AGTPBP1: variants seen among roughly 807,000 people sequenced by gnomAD.
AGTPBP1 encodes the protein ATP/GTP binding carboxypeptidase 1.
Under a neutral mutation model 143.9 loss-of-function variants are expected in AGTPBP1, and 70 were observed. That is an observed-to-expected ratio of 0.49 (90% CI 0.40 to 0.59). The LOEUF (loss-of-function observed/expected upper bound fraction) is 0.59, where lower values mean the gene tolerates loss of function less well. AGTPBP1 is among the 20% of genes least tolerant of loss of function. The probability of loss-of-function intolerance (pLI) is 0.00; values close to 1 mark genes in which losing one functional copy is unlikely to be tolerated. For synonymous variants in AGTPBP1, 463 were observed against 500.2 expected (o/e 0.93, Z 0.99); for missense variants, 1,229 against 1,464.5 (o/e 0.84, Z 2.62).
chr9:85,571,859 AT>A (rs1428873818), intron 25 of AGTPBP1, among the ~76,000 whole-genome samples: 2 of 152,196 alleles, frequency 1.3e-5, no homozygotes, highest in East Asian at 3.9e-4. Flanking sequence ...TATGTAAAAA[AT>A]TCATTTGAGA....
chr9:85,696,452 G>C (rs1371400396), intron 2 of AGTPBP1, among the ~76,000 whole-genome samples: 5 of 152,062 alleles, frequency 3.3e-5, no homozygotes, highest in Non-Finnish European at 7.4e-5. Context: ...CAGATCGCTT[G>C]AGGTCGAGAG....
intron 25 of AGTPBP1, among the ~76,000 whole-genome samples, chr9:85,548,672 T>G (rs1466476789): frequency 7.1e-6 from 1 of 141,610 alleles, no homozygotes; most frequent in East Asian, 2.0e-4. Context: ...TTGGTTTTTT[T>G]TTGTTTTTGT....
intron 13 of AGTPBP1, among the ~76,000 whole-genome samples, chr9:85,634,794 C>G (rs60292661): frequency 0.049 from 7,424 of 152,222 alleles, 224 homozygotes; most frequent in Admixed American, 0.11. Flanking sequence ...TGAAATGGAA[C>G]TGCAGAATCA....
At chr9:85,712,451 TCATA>T (rs751939673) in intron 2 of AGTPBP1, 47 bp downstream of exon 2, 1 of 964,010 alleles carries the variant, frequency 1.0e-6, no homozygotes, top group Non-Finnish European at 1.5e-6. Flanking sequence ...AGTAATTCTG[TCATA>T]CATTATTTCT....
intron 25 of AGTPBP1, among the ~76,000 whole-genome samples, chr9:85,568,997 T>C (rs560083082): frequency 2.8e-4 from 43 of 152,094 alleles, no homozygotes; most frequent in African/African-American, 9.6e-4. Flanking sequence ...AACATACAGA[T>C]AGAATGTAAA....
At chr9:85,573,568 G>A (rs535188140) in intron 25 of AGTPBP1, among the ~76,000 whole-genome samples, 30 of 146,912 alleles carry the variant, frequency 2.0e-4, no homozygotes, top group South Asian at 8.9e-4. Flanking sequence ...GCCACCCATC[G>A]TCTGGGATGT....
At chr9:85,621,710 AT>A (rs919001062) in intron 14 of AGTPBP1, among the ~76,000 whole-genome samples, 5 of 152,184 alleles carry the variant, frequency 3.3e-5, no homozygotes, top group Non-Finnish European at 5.9e-5. Context: ...CCTGGCTGGA[AT>A]TTAGCTAAAA....
intron 2 of AGTPBP1, among the ~76,000 whole-genome samples, chr9:85,700,289 A>C (rs1321462379): frequency 6.6e-6 from 1 of 152,176 alleles, no homozygotes; most frequent in Admixed American, 6.5e-5. Flanking sequence ...ATTCCTGCTC[A>C]CATTACGTGT....
At chr9:85,589,479 C>A (rs774978087) in intron 20 of AGTPBP1, 49 bp downstream of exon 20, 3 of 1,549,708 alleles carry the variant, frequency 1.9e-6, no homozygotes, top group South Asian at 2.5e-5. Context: ...TAAAGCAAAT[C>A]AAAGTAGGTG....
chr9:85,802,708 G>A, the AGTPBP1 span, among the ~76,000 whole-genome samples: 1 of 152,116 alleles, frequency 6.6e-6, no homozygotes, highest in Non-Finnish European at 1.5e-5. Context: ...CACATAATTG[G>A]GTGTCCAGGT....
intron 7 of AGTPBP1, 27 bp downstream of exon 7, chr9:85,672,523 T>G: frequency 6.2e-7 from 1 of 1,601,454 alleles, no homozygotes; most frequent in Non-Finnish European, 8.5e-7. Flanking sequence ...CAACACTGAG[T>G]TAACTAAAAG....
chr9:85,582,094 T>C (rs888738769), intron 23 of AGTPBP1, among the ~76,000 whole-genome samples: 1 of 152,224 alleles, frequency 6.6e-6, no homozygotes, highest in African/African-American at 2.4e-5. Context: ...TAGAGAAAAG[T>C]TGCAAAAACA....
intron 13 of AGTPBP1, among the ~76,000 whole-genome samples, chr9:85,634,374 G>C (rs886289777): frequency 6.6e-6 from 1 of 152,120 alleles, no homozygotes; most frequent in Non-Finnish European, 1.5e-5. Context: ...TCTAGGCAGA[G>C]AGGACTAGAG....
chr9:85,657,005 G>T (rs1833550518), intron 10 of AGTPBP1, among the ~76,000 whole-genome samples: 1 of 149,608 alleles, frequency 6.7e-6, no homozygotes, highest in African/African-American at 2.5e-5. Flanking sequence ...ACAGGAAGGG[G>T]AATATCACAC....
chr9:85,773,494 C>T, the AGTPBP1 span, among the ~76,000 whole-genome samples: 4 of 151,056 alleles, frequency 2.6e-5, no homozygotes, highest in South Asian at 8.4e-4. Flanking sequence ...CCACCACACC[C>T]AGCTAATTTT....
chr9:85,714,397 A>G (rs1256850027), intron 1 of AGTPBP1, among the ~76,000 whole-genome samples: 1 of 152,192 alleles, frequency 6.6e-6, no homozygotes, highest in Admixed American at 6.5e-5. Flanking sequence ...TTTCTACTGT[A>G]ATTGGTGTTT....
At chr9:85,625,228 G>T (rs1831195784) in intron 14 of AGTPBP1, among the ~76,000 whole-genome samples, 1 of 152,210 alleles carries the variant, frequency 6.6e-6, no homozygotes. Flanking sequence ...GAATCTGTCT[G>T]ATCACCCTCT....
At chr9:85,771,986 T>C in the AGTPBP1 span, among the ~76,000 whole-genome samples, 3 of 120,254 alleles carry the variant, frequency 2.5e-5, no homozygotes, top group Non-Finnish European at 4.9e-5. Context: ...TATGCTGTTC[T>C]TTTTTTTTTT....
rs558702033 is a variant in AGTPBP1 at position 85,563,238 on chromosome 9, G to A, written c.3503+12077C>T. ...AAAATGTGGCAGCAGTTTTGGAAGT[G>A]GGTAGTGAGTAAAAGCTGTAAGAGT... On this transcript the variant is annotated intron_variant, in intron 25 of 25. Transcript: ENST00000357081. Among the ~76,000 whole-genome samples the A allele has an allele frequency of 9.9e-5, 15 of 152,270 alleles. No individual in the cohort carries two copies. The East Asian group carries it at 2.5e-3, about 25-fold the overall frequency.
Sources: gnomAD v4.1 joint callset for allele counts (sites outside exome capture counted in the v4.1 genomes callset) on GRCh38, gnomAD v4.1.1 for gene constraint, MANE v1.5 for transcripts, NCBI Gene and HGNC (gene_info 2026-07-23, HGNC 2026-07-21) for gene names.